Variants in TCF20 observed in about 807,000 individuals in gnomAD.
The protein encoded by TCF20 is SPRE-binding protein.
In TCF20, 3 loss-of-function variants were observed where a neutral mutation model predicts 148.6. The observed-to-expected ratio is 0.02, with a 90% CI of 0.01 to 0.05. The LOEUF (loss-of-function observed/expected upper bound fraction) is 0.05, where lower values mean the gene tolerates loss of function less well. TCF20 is among the 10% of genes least tolerant of loss of function. The pLI is 1.00. For missense variants in TCF20, 2,350 were observed against 2,429.3 expected (o/e 0.97, Z 0.69); for synonymous variants, 1,049 against 909.5 (o/e 1.15, Z -2.76).
At chr22:42,258,314 T>C (rs1298527641) in intron 1 of TCF20, among the ~76,000 whole-genome samples, 2 of 152,082 alleles carry the variant, frequency 1.3e-5, no homozygotes, top group African/African-American at 4.8e-5. Context: ...AGAGTACTCC[T>C]TACATTCCTG....
intron 1 of TCF20, among the ~76,000 whole-genome samples, chr22:42,226,086 C>A (rs1358198886): frequency 1.3e-5 from 2 of 152,184 alleles, no homozygotes; most frequent in African/African-American, 4.8e-5. Context: ...TGGCCCCACC[C>A]CCACTCCATG....
intron 3 of TCF20, among the ~76,000 whole-genome samples, chr22:42,176,126 A>G (rs1174886878): frequency 6.6e-6 from 1 of 152,134 alleles, no homozygotes; most frequent in East Asian, 1.9e-4. Context: ...CTTTCCGTTG[A>G]TCAAATAGTG....
intron 1 of TCF20, among the ~76,000 whole-genome samples, chr22:42,248,539 T>C (rs780910925): frequency 6.6e-6 from 1 of 152,212 alleles, no homozygotes. Flanking sequence ...TGATTAAATA[T>C]ACATAGAAAT....
intron 4 of TCF20, among the ~76,000 whole-genome samples, chr22:42,169,569 A>G (rs1935995120): frequency 6.6e-6 from 1 of 152,122 alleles, no homozygotes; most frequent in Non-Finnish European, 1.5e-5. Context: ...ATCGAGTTAG[A>G]TATTCTCACC....
At chr22:42,264,431 C>A (rs1266255956) in intron 1 of TCF20, among the ~76,000 whole-genome samples, 1 of 152,150 alleles carries the variant, frequency 6.6e-6, no homozygotes, top group Non-Finnish European at 1.5e-5. Context: ...TTAGCCTTTA[C>A]AAGGTACCAC....
At chr22:42,175,867 G>C (rs541605171) in intron 3 of TCF20, among the ~76,000 whole-genome samples, 1 of 152,186 alleles carries the variant, frequency 6.6e-6, no homozygotes, top group East Asian at 1.9e-4. Flanking sequence ...GAGTGCAGTG[G>C]CCCAACTGAG....
Position 42,213,720 on chromosome 22 carries a change from T to A in TCF20, c.1586A>T (p.Asp529Val). Reference protein sequence around the residue: ...LDGGCSSSSEDQGERVRQLSG... With the variant: ...LDGGCSSSSEVQGERVRQLSG... ...TAGTTGCCGCACTCTCTCGCCTTGA[T>A]CCTCTGAACTGCTGGAGCAGCCTCC... Residue 529 changes from aspartate (D) to valine (V), a missense_variant, in exon 2 of 6, where the codon GAT becomes GTT. Asp to Val is a radical substitution (Grantham distance 152). Around this residue, in one of 7 missense-constraint regions of TCF20, gnomAD observed 1,641 missense variants for 1,662.6 expected, o/e 0.99. Coordinates refer to ENST00000677622, the MANE Select transcript of TCF20 (RefSeq NM_001378418.1). 6.2e-7 allele frequency: 1 copy of A among 1,613,998 alleles called. No homozygotes were observed. The highest frequency in any genetic ancestry group is 1.1e-5 in the South Asian group (1 of 91,080).
At chr22:42,193,009 C>G (rs1446413648) in intron 2 of TCF20, among the ~76,000 whole-genome samples, 1 of 152,140 alleles carries the variant, frequency 6.6e-6, no homozygotes, top group Non-Finnish European at 1.5e-5. Flanking sequence ...TGGGAAGCAT[C>G]CCAGGTTCTT....
chr22:42,295,618 T>C (rs769318472), intron 1 of TCF20, among the ~76,000 whole-genome samples: 1 of 151,934 alleles, frequency 6.6e-6, no homozygotes, highest in Non-Finnish European at 1.5e-5. Flanking sequence ...TAATTTTGTA[T>C]TTTTAGTAGA....
At chr22:42,300,054 C>A (rs1327523394) in intron 1 of TCF20, among the ~76,000 whole-genome samples, 2 of 152,138 alleles carry the variant, frequency 1.3e-5, no homozygotes, top group Non-Finnish European at 2.9e-5. Context: ...TGGTTCCTTT[C>A]GTTCCTTCGT....
chr22:42,188,927 C>T (rs1001723420), intron 2 of TCF20, among the ~76,000 whole-genome samples: 1 of 152,112 alleles, frequency 6.6e-6, no homozygotes, highest in Non-Finnish European at 1.5e-5. Flanking sequence ...CTTAATGCCA[C>T]CAACCTAGTT....
chr22:42,252,780 G>C (rs1021508043), intron 1 of TCF20, among the ~76,000 whole-genome samples: 1 of 152,000 alleles, frequency 6.6e-6, no homozygotes, highest in African/African-American at 2.4e-5. Context: ...TGAAACACTA[G>C]AGTAACAATC....
chr22:42,263,433 T>G (rs1451203546), intron 1 of TCF20, among the ~76,000 whole-genome samples: 4 of 152,196 alleles, frequency 2.6e-5, no homozygotes, highest in Non-Finnish European at 5.9e-5. Context: ...CACTTCTAAA[T>G]GCAGCAGTGA....
chr22:42,281,257 C>T (rs1926895952), intron 1 of TCF20, among the ~76,000 whole-genome samples: 1 of 152,216 alleles, frequency 6.6e-6, no homozygotes, highest in African/African-American at 2.4e-5. Flanking sequence ...AATCCCAGCA[C>T]AAGGCAGCCT....
Position 42,214,195 on chromosome 22 carries a change from A to T in TCF20, c.1111T>A (p.Ser371Thr). 1.9e-6 allele frequency: 3 copies of T among 1,614,140 alleles called. No individual in the cohort carries two copies. Among genetic ancestry groups the T allele is most frequent in the Non-Finnish European group, 2.5e-6 (3 of 1,180,022 alleles). ...GACTGAACCACAGAGGCAGCTGGAG[A>T]AGGGTTAGAAATGGGGCTGAAGTTC... is the stretch of plus-strand genomic sequence containing the variant. Reference protein sequence around the residue: ...HQNFSPISNPSPAASVVQSPS... With the variant: ...HQNFSPISNPTPAASVVQSPS... The change falls in exon 2 of 6, where the codon TCT becomes ACT. Residue 371 changes from serine (S) to threonine (T), a missense_variant. Ser to Thr is a moderately conservative substitution (Grantham distance 58, BLOSUM62 1). Transcript: ENST00000677622.
chr22:42,202,879 G>A (rs369504801), intron 2 of TCF20, among the ~76,000 whole-genome samples: 31 of 152,314 alleles, frequency 2.0e-4, no homozygotes, highest in East Asian at 1.7e-3. Flanking sequence ...CACCAGCTAA[G>A]GGGCCGAGGC....
Position 42,331,313 on chromosome 22 carries a change from A to G in TCF20, c.-37+12166T>C, listed in dbSNP as rs554755989. 2.2e-3 allele frequency among the ~76,000 whole-genome samples: 338 copies of G among 152,262 alleles called. 2 individuals carry two copies. The highest frequency in any genetic ancestry group is 7.9e-3 in the African/African-American group (328 of 41,560). The stretch of plus-strand genomic sequence containing the variant: ...GACCCAGTCCTGCCGCACGCCCTGG[A>G]AACAGCTGGCCTCACAGAGACCTAC... On this transcript the variant is annotated intron_variant, in intron 1 of 1. Transcript: ENST00000515426.
At chr22:42,255,349 C>T (rs1434507247) in intron 1 of TCF20, among the ~76,000 whole-genome samples, 1 of 151,936 alleles carries the variant, frequency 6.6e-6, no homozygotes, top group Non-Finnish European at 1.5e-5. Context: ...AGTAGCCGGG[C>T]TTGGTGGTGC....
intron 1 of TCF20, among the ~76,000 whole-genome samples, chr22:42,312,858 C>A (rs1285608755): frequency 6.6e-6 from 1 of 152,174 alleles, no homozygotes. Flanking sequence ...AATCTAGTGC[C>A]CTGCATGCCC....
Sources: allele counts gnomAD v4.1 joint callset (sites outside exome capture counted in the v4.1 genomes callset), GRCh38; gene constraint gnomAD v4.1.1; regional missense constraint gnomAD v4.1.1; transcripts MANE v1.5; gene names NCBI Gene and HGNC (gene_info 2026-07-23, HGNC 2026-07-21).